PRDM16: variants seen among roughly 807,000 people sequenced by gnomAD.
PRDM16 encodes the protein histone-lysine N-methyltransferase PRDM16.
In PRDM16, 23 loss-of-function variants were observed where a neutral mutation model predicts 110.6. The ratio of observed to expected loss-of-function variants is 0.21; its 90% confidence interval spans 0.15 to 0.29. The LOEUF (loss-of-function observed/expected upper bound fraction) is 0.29. Among genes scored for constraint, PRDM16 ranks in the 10% least tolerant of loss-of-function variants. The pLI, the probability that PRDM16 is intolerant of heterozygous loss-of-function variation, is 1.00. For missense variants in PRDM16, 1,615 were observed against 1,794.3 expected, an observed-to-expected ratio of 0.90 and a Z score of 1.81; for synonymous variants, 799 against 781.8, an observed-to-expected ratio of 1.02 and a Z score of -0.37.
chr1:3,367,340 G>T (rs76015181), intron 3 of PRDM16, among the ~76,000 whole-genome samples: 5 of 152,186 alleles, frequency 3.3e-5, no homozygotes, highest in African/African-American at 1.2e-4. Flanking sequence ...AACTGCCATG[G>T]GGAGGTCTCT....
chr1:3,324,218 A>G (rs1641833065), intron 3 of PRDM16, among the ~76,000 whole-genome samples: 1 of 151,150 alleles, frequency 6.6e-6, no homozygotes, highest in African/African-American at 2.4e-5. Context: ...GCGGAGCAGG[A>G]CTCCCACAGT....
chr1:3,321,777 G>A (rs1282510566), intron 3 of PRDM16, among the ~76,000 whole-genome samples: 2 of 150,770 alleles, frequency 1.3e-5, no homozygotes, highest in Non-Finnish European at 3.0e-5. Context: ...ATGTGTGCAC[G>A]TGTGTGCTGT....
intron 1 of PRDM16, among the ~76,000 whole-genome samples, chr1:3,179,702 C>G (rs1430671425): frequency 6.6e-6 from 1 of 152,242 alleles, no homozygotes; most frequent in Non-Finnish European, 1.5e-5. Context: ...GGCCGGGCAC[C>G]TGCATCCTGG....
chr1:3,398,934 G>A (rs1166402904), intron 5 of PRDM16, among the ~76,000 whole-genome samples: 5 of 152,226 alleles, frequency 3.3e-5, no homozygotes, highest in Non-Finnish European at 7.3e-5. Flanking sequence ...GGGCCAGCCC[G>A]CTTCGGGAGA....
intron 3 of PRDM16, among the ~76,000 whole-genome samples, chr1:3,249,831 A>G (rs1639884627): frequency 6.6e-6 from 1 of 152,250 alleles, no homozygotes; most frequent in Non-Finnish European, 1.5e-5. Context: ...CCATTAATTC[A>G]GTGAATGAAC....
intron 1 of PRDM16, chr1:3,133,795 G>C (rs1557472493): frequency 6.6e-6 from 1 of 152,180 alleles, no homozygotes; most frequent in African/African-American, 2.4e-5. Context: ...GGGAGCCAAG[G>C]GTATGCAGGC....
Position 3,181,360 on chromosome 1 carries a change from G to GCA in PRDM16, c.38-4765_38-4764insCA, listed in dbSNP as rs1248218079. Among the ~76,000 whole-genome samples the GCA allele has an allele frequency of 4.2e-3, 31 of 7,314 alleles. 1 individual carries two copies. The highest frequency in any genetic ancestry group is 5.9e-3 in the African/African-American group (17 of 2,900). The allele number at this position is 7,314 out of a possible 152,430, so 4.8% of individuals were successfully genotyped here. A position where few individuals can be genotyped will look rare whatever the true frequency, so the allele number is the denominator to read the frequency against. ...CAGTCTTACACACGGTCTTACACACGGTCTTACACACGCAGTCTTACACAC... is the reference window on the plus strand; with the variant it reads ...CAGTCTTACACACGGTCTTACACACGCAGTCTTACACACGCAGTCTTACACAC... On this transcript the variant is annotated intron_variant, in intron 1 of 16. Transcript: ENST00000270722.
chr1:3,391,130 G>A (rs569962940), intron 4 of PRDM16, among the ~76,000 whole-genome samples: 17 of 152,248 alleles, frequency 1.1e-4, no homozygotes, highest in African/African-American at 2.9e-4. Flanking sequence ...GCCACCGCCC[G>A]AGCCATCCTC....
chr1:3,190,590 T>A lies in PRDM16; in HGVS notation c.387+4116T>A, dbSNP rs1273735978. 6.6e-6 allele frequency among the ~76,000 whole-genome samples: 1 copy of A among 151,554 alleles called. No individual in the cohort carries two copies. Among genetic ancestry groups the A allele is most frequent in the Non-Finnish European group, 1.5e-5 (1 of 67,908 alleles). On this transcript the variant is annotated intron_variant, in intron 2 of 16. Coordinates refer to ENST00000270722, the MANE Select transcript of PRDM16 (RefSeq NM_022114.4). This position sits in a 1 kb window ranked among gnomAD's most constrained non-coding sequence, Gnocchi z 5.0. ...CATGGCTGTGTGTGTGCCCCAGGGG[T>A]GTGTGGAAACGGCCCCCTGGGCTTC...
At chr1:3,228,387 C>T (rs1361551903) in intron 2 of PRDM16, among the ~76,000 whole-genome samples, 1 of 152,154 alleles carries the variant, frequency 6.6e-6, no homozygotes, top group Admixed American at 6.5e-5. Context: ...AGGAATGTAC[C>T]AGAATTAATT....
Position 3,143,401 on chromosome 1 carries a change from G to T in PRDM16, c.38-42724G>T, listed in dbSNP as rs935190737. 6.6e-6 allele frequency among the ~76,000 whole-genome samples: 1 copy of T among 152,178 alleles called. No individual in the cohort carries two copies. The highest frequency in any genetic ancestry group is 1.9e-4 in the East Asian group (1 of 5,198). ...CCAGCAGGTGGCCTCCCCAACTTGA[G>T]CTGGGTTCATTTCCTCTCTCCACCC... On this transcript the variant is annotated intron_variant, in intron 1 of 16. Transcript: ENST00000270722. The surrounding 1 kb of genome is among the most constrained non-coding windows in gnomAD (Gnocchi z 4.5).
At chr1:3,365,873 C>A (rs1569577805) in intron 3 of PRDM16, among the ~76,000 whole-genome samples, 1 of 152,204 alleles carries the variant, frequency 6.6e-6, no homozygotes, top group East Asian at 1.9e-4. Context: ...GTCAGCTGCA[C>A]GTGTTTATGT....
At chr1:3,284,874 T>C (rs2100337713) in intron 3 of PRDM16, among the ~76,000 whole-genome samples, 1 of 152,330 alleles carries the variant, frequency 6.6e-6, no homozygotes, top group South Asian at 2.1e-4. Flanking sequence ...CTGAGGAGTC[T>C]GCAGCCGCCA....
Position 3,157,850 on chromosome 1 carries a change from G to A in PRDM16, c.38-28275G>A, listed in dbSNP as rs144365482. 1.5e-3 allele frequency among the ~76,000 whole-genome samples: 226 copies of A among 152,234 alleles called. 1 individual carries two copies. Among genetic ancestry groups the A allele is most frequent in the African/African-American group, 4.2e-3 (176 of 41,528 alleles). On this transcript the variant is annotated intron_variant, in intron 1 of 16. Coordinates refer to ENST00000270722, the MANE Select transcript of PRDM16 (RefSeq NM_022114.4). This position sits in a 1 kb window ranked among gnomAD's most constrained non-coding sequence, Gnocchi z 4.8. ...CCATCTGGCCTCCCCCAGCACCGCC[G>A]GGCTGGATGCTTTAGCCCCAGCACC...
chr1:3,257,453 G>A (rs1346966830), intron 3 of PRDM16, among the ~76,000 whole-genome samples: 1 of 152,176 alleles, frequency 6.6e-6, no homozygotes, highest in East Asian at 1.9e-4. Context: ...AGCTCCTCAA[G>A]TTTTTACCAC....
rs553040316 is a variant in PRDM16 at position 3,143,107 on chromosome 1, C to T, written c.38-43018C>T. Among the ~76,000 whole-genome samples, 64 of 152,206 alleles carry T rather than the reference C, an allele frequency of 4.2e-4. No homozygotes were observed. Among genetic ancestry groups the T allele is most frequent in the Non-Finnish European group, 7.9e-4 (54 of 68,034 alleles). ...GAAGCCTGAGCTCTGTCTTTTCAGT[C>T]GCCTGTCATTTAAAATGAAAGTAAG... is the stretch of plus-strand genomic sequence containing the variant. On this transcript the variant is annotated intron_variant, in intron 1 of 16. Transcript: ENST00000270722. This position sits in a 1 kb window ranked among gnomAD's most constrained non-coding sequence, Gnocchi z 4.5.
At chr1:3,169,157 C>T (rs988649991) in intron 1 of PRDM16, among the ~76,000 whole-genome samples, 2 of 152,174 alleles carry the variant, frequency 1.3e-5, no homozygotes, top group Admixed American at 6.5e-5. Flanking sequence ...CCTCAGCTGG[C>T]CCTGATGCTA....
intron 1 of PRDM16, among the ~76,000 whole-genome samples, chr1:3,093,714 C>A (rs1212551282): frequency 6.6e-6 from 1 of 152,160 alleles, no homozygotes; most frequent in African/African-American, 2.4e-5. Flanking sequence ...CAGGGAGGGA[C>A]CCCTGCAGCG....
At position 3,338,222 on chromosome 1, in the gene PRDM16, G is replaced by C. The variant is rs940558663; in HGVS notation, c.439-46930G>C. ...AGGACCCTCGCAAGGCAGGAGAAGG[G>C]GGCATACTGGGCCCCAAGCCTCCCA... On this transcript the variant is annotated intron_variant, in intron 3 of 16. Coordinates refer to ENST00000270722, the MANE Select transcript of PRDM16 (RefSeq NM_022114.4). Among the ~76,000 whole-genome samples the C allele has an allele frequency of 4.6e-5, 7 of 152,236 alleles. No individual in the cohort carries two copies. The South Asian group carries it at 1.2e-3, about 27-fold the overall frequency.
Sources: gnomAD v4.1 joint callset for allele counts (sites outside exome capture counted in the v4.1 genomes callset) on GRCh38, gnomAD v4.1.1 for gene constraint, Gnocchi (gnomAD v3.1) non-coding constraint, MANE v1.5 for transcripts, NCBI Gene and HGNC (gene_info 2026-07-23, HGNC 2026-07-21) for gene names.